The following SPOCK3 variants were observed in gnomAD, a reference collection of about 807,000 sequenced individuals.
The protein encoded by SPOCK3 is SPARC (osteonectin), cwcv and kazal like domains proteoglycan 3.
SPOCK3 carries 30 observed loss-of-function variants against 56.6 expected under a neutral mutation model. The ratio of observed to expected loss-of-function variants is 0.53; its 90% CI spans 0.40 to 0.72. SPOCK3 has a LOEUF of 0.72. Ranked by LOEUF, SPOCK3 falls within the 30% of genes least tolerant of loss-of-function variation. The pLI, the probability that SPOCK3 is intolerant of heterozygous loss-of-function variation, is 0.00. For synonymous variants in SPOCK3, 196 were observed against 183.3 expected (o/e 1.07, Z -0.56); for missense variants, 527 against 530.0 (o/e 0.99, Z 0.06).
At chr4:167,062,819 T>C (rs1044843629) in intron 2 of SPOCK3, among the ~76,000 whole-genome samples, 13 of 151,942 alleles carry the variant, frequency 8.6e-5, no homozygotes, top group African/African-American at 2.9e-4. Flanking sequence ...ACAATTTAAC[T>C]ATTTTTGGTT....
intron 3 of SPOCK3, among the ~76,000 whole-genome samples, chr4:167,055,186 G>C (rs1212653778): frequency 6.6e-6 from 1 of 152,092 alleles, no homozygotes; most frequent in African/African-American, 2.4e-5. Flanking sequence ...TCAACTTATA[G>C]TGATCTAATA....
chr4:166,832,303 C>T (rs1330206338), intron 6 of SPOCK3, among the ~76,000 whole-genome samples: 1 of 151,690 alleles, frequency 6.6e-6, no homozygotes, highest in Non-Finnish European at 1.5e-5. Context: ...CTGAATATGG[C>T]TAGCCAGCAA....
chr4:167,071,717 T>C (rs2150267822), intron 2 of SPOCK3, among the ~76,000 whole-genome samples: 1 of 152,210 alleles, frequency 6.6e-6, no homozygotes, highest in Non-Finnish European at 1.5e-5. Context: ...GCATGATTTA[T>C]AATCCTTTGG....
At chr4:167,187,112 G>T (rs972004320) in intron 2 of SPOCK3, among the ~76,000 whole-genome samples, 1 of 151,996 alleles carries the variant, frequency 6.6e-6, no homozygotes, top group Non-Finnish European at 1.5e-5. Flanking sequence ...GAGTTGCAAG[G>T]ATCATATTCC....
chr4:167,151,066 T>C (rs531376066), intron 2 of SPOCK3, among the ~76,000 whole-genome samples: 1 of 152,344 alleles, frequency 6.6e-6, no homozygotes, highest in Non-Finnish European at 1.5e-5. Context: ...TGATGTTTAC[T>C]GAGTTGGTTC....
chr4:166,947,742 C>T lies in SPOCK3; in HGVS notation c.351-34999G>A, dbSNP rs551382190. 5.3e-5 allele frequency among the ~76,000 whole-genome samples: 8 copies of T among 152,080 alleles called. No individual in the cohort carries two copies. The East Asian group carries it at 5.8e-4, about 11-fold the overall frequency. ...TTACAAATTTTATTTTAAATTGACA[C>T]GTCATAATTGCACGGATTCATGAGG... On this transcript the variant is annotated intron_variant, in intron 4 of 10. Transcript: ENST00000357545.
At chr4:166,883,579 G>A (rs1057474244) in intron 6 of SPOCK3, among the ~76,000 whole-genome samples, 2 of 152,176 alleles carry the variant, frequency 1.3e-5, no homozygotes, top group African/African-American at 4.8e-5. Flanking sequence ...TTACAAATCT[G>A]TCTCAAACTT....
At chr4:166,944,217 T>C (rs1741443639) in intron 4 of SPOCK3, among the ~76,000 whole-genome samples, 1 of 152,072 alleles carries the variant, frequency 6.6e-6, no homozygotes, top group East Asian at 1.9e-4. Flanking sequence ...CAGAGAAGTG[T>C]CTCTTTTTTT....
At chr4:166,898,638 A>G (rs2127043847) in intron 5 of SPOCK3, among the ~76,000 whole-genome samples, 1 of 152,252 alleles carries the variant, frequency 6.6e-6, no homozygotes, top group East Asian at 1.9e-4. Flanking sequence ...CACATTAGGT[A>G]GTGATGTGCT....
chr4:166,964,632 A>C (rs1413367492), intron 4 of SPOCK3, among the ~76,000 whole-genome samples: 1 of 151,534 alleles, frequency 6.6e-6, no homozygotes, highest in Non-Finnish European at 1.5e-5. Context: ...AGTTGATATT[A>C]TATATAATAA....
intron 4 of SPOCK3, among the ~76,000 whole-genome samples, chr4:166,927,348 C>A (rs146839070): frequency 6.6e-6 from 1 of 152,212 alleles, no homozygotes; most frequent in East Asian, 1.9e-4. Flanking sequence ...TCATGAGACC[C>A]GATGGTTTTA....
chr4:166,936,508 G>T (rs1255115423), intron 4 of SPOCK3, among the ~76,000 whole-genome samples: 1 of 151,942 alleles, frequency 6.6e-6, no homozygotes, highest in African/African-American at 2.4e-5. Flanking sequence ...ACAGCAAAGT[G>T]GTTGGTAATT....
At chr4:166,836,787 A>G (rs1746666019) in intron 6 of SPOCK3, among the ~76,000 whole-genome samples, 1 of 152,164 alleles carries the variant, frequency 6.6e-6, no homozygotes, top group African/African-American at 2.4e-5. Flanking sequence ...CTGCTAAATC[A>G]ATTTAGTGAA....
intron 8 of SPOCK3, among the ~76,000 whole-genome samples, chr4:166,746,079 G>A (rs1274233823): frequency 6.6e-6 from 1 of 152,142 alleles, no homozygotes; most frequent in South Asian, 2.1e-4. Flanking sequence ...ACAGATCAAT[G>A]ACACAGAAAG....
intron 2 of SPOCK3, among the ~76,000 whole-genome samples, chr4:167,075,492 C>A (rs972034115): frequency 6.6e-6 from 1 of 151,846 alleles, no homozygotes; most frequent in East Asian, 1.9e-4. Flanking sequence ...TTTGCAATTT[C>A]TGATAAAAAT....
At chr4:166,873,734 C>T (rs777489976) in intron 6 of SPOCK3, among the ~76,000 whole-genome samples, 6 of 152,064 alleles carry the variant, frequency 3.9e-5, no homozygotes, top group African/African-American at 9.7e-5. Context: ...AATTCATAAA[C>T]TCAACTCATT....
Position 166,971,148 on chromosome 4 carries a change from G to T in SPOCK3, c.350+29201C>A, listed in dbSNP as rs190557265. Among the ~76,000 whole-genome samples the T allele has an allele frequency of 2.0e-5, 3 of 152,338 alleles. No homozygotes were observed. The East Asian group carries it at 5.8e-4, about 29-fold the overall frequency. On this transcript the variant is annotated intron_variant, in intron 4 of 10. Coordinates refer to ENST00000357545, the MANE Select transcript of SPOCK3 (RefSeq NM_001040159.2). ...TCAGAAGAAAGGTCTAGAGGTGTTT[G>T]CAAGATGTGACACAGAGAAAGGTAA...
intron 4 of SPOCK3, among the ~76,000 whole-genome samples, chr4:166,974,173 G>C (rs76376208): frequency 6.6e-6 from 1 of 151,970 alleles, no homozygotes; most frequent in Non-Finnish European, 1.5e-5. Context: ...TTTTAAATAG[G>C]TAAGATTACT....
intron 2 of SPOCK3, among the ~76,000 whole-genome samples, chr4:167,087,263 C>T (rs1322533234): frequency 6.6e-6 from 1 of 151,704 alleles, no homozygotes; most frequent in African/African-American, 2.4e-5. Flanking sequence ...AAGAACATGC[C>T]CAAGACCACA....
Sources: gnomAD v4.1 joint callset for allele counts (sites outside exome capture counted in the v4.1 genomes callset) on GRCh38, gnomAD v4.1.1 for gene constraint, MANE v1.5 for transcripts, NCBI Gene and HGNC (gene_info 2026-07-23, HGNC 2026-07-21) for gene names.